Variants in PARD3B observed in about 807,000 individuals in gnomAD.
PARD3B encodes partitioning defective 3 homolog B.
Under a neutral mutation model 130.2 loss-of-function variants are expected in PARD3B, and 103 were observed. That is an observed-to-expected ratio of 0.79 (90% CI 0.67 to 0.93). PARD3B has a LOEUF of 0.93. PARD3B is among the 40% of genes least tolerant of loss of function. The pLI is 0.00. For missense variants in PARD3B, 1,609 were observed against 1,499.2 expected (o/e 1.07, Z -1.21); for synonymous variants, 583 against 553.2 (o/e 1.05, Z -0.76).
intron 2 of PARD3B, among the ~76,000 whole-genome samples, chr2:204,844,485 C>T (rs2194510): frequency 0.011 from 1,617 of 152,056 alleles, 31 homozygotes; most frequent in African/African-American, 0.036. Flanking sequence ...TTTATGGAAA[C>T]TCTATGAAAT....
rs145209205 is a variant in PARD3B, at chr2:204,975,764, T to C, written c.394+10441T>C. On this transcript the variant is annotated intron_variant, in intron 3 of 22. Transcript: ENST00000406610. ...TCTGACACAAAATACCATTTTCCAGTTGAATGTCAAAATAGTGTAAACATA... is the reference window on the plus strand; with the variant it reads ...TCTGACACAAAATACCATTTTCCAGCTGAATGTCAAAATAGTGTAAACATA... 4.9e-3 allele frequency among the ~76,000 whole-genome samples: 753 copies of C among 152,350 alleles called. 6 individuals are homozygous for C. Among genetic ancestry groups the C allele is most frequent in the African/African-American group, 0.017 (709 of 41,576 alleles).
intron 15 of PARD3B, among the ~76,000 whole-genome samples, chr2:205,226,233 A>G (rs572399545): frequency 9.2e-5 from 14 of 151,944 alleles, no homozygotes; most frequent in South Asian, 2.1e-4. Flanking sequence ...AGTAGAGACG[A>G]GGTTTCATCG....
intron 2 of PARD3B, among the ~76,000 whole-genome samples, chr2:204,701,001 AG>A (rs2037864751): frequency 6.6e-6 from 1 of 152,090 alleles, no homozygotes; most frequent in African/African-American, 2.4e-5. Flanking sequence ...CATTATTAAA[AG>A]TTGGGCATAT....
chr2:205,379,918 A>C (rs1414326314), intron 18 of PARD3B, among the ~76,000 whole-genome samples: 2 of 150,922 alleles, frequency 1.3e-5, no homozygotes, highest in Non-Finnish European at 2.9e-5. Flanking sequence ...AAATATAAAA[A>C]TTATCCAGGC....
intron 2 of PARD3B, among the ~76,000 whole-genome samples, chr2:204,950,023 A>G (rs1205968909): frequency 6.6e-6 from 1 of 152,196 alleles, no homozygotes; most frequent in Non-Finnish European, 1.5e-5. Flanking sequence ...GATGATTACA[A>G]TAATAGCTAG....
chr2:204,614,048 AT>A (rs895400763), intron 1 of PARD3B, among the ~76,000 whole-genome samples: 10 of 148,460 alleles, frequency 6.7e-5, no homozygotes, highest in South Asian at 4.2e-4. Flanking sequence ...ATAGGTTTGG[AT>A]TTTTTTTTTA....
At chr2:204,886,988 AC>A (rs2046290740) in intron 2 of PARD3B, among the ~76,000 whole-genome samples, 1 of 152,346 alleles carries the variant, frequency 6.6e-6, no homozygotes, top group East Asian at 1.9e-4. Flanking sequence ...TCAAAGGCCC[AC>A]AGGGTATGTA....
intron 10 of PARD3B, among the ~76,000 whole-genome samples, chr2:205,149,546 C>T (rs2033602670): frequency 6.6e-6 from 1 of 152,212 alleles, no homozygotes; most frequent in Non-Finnish European, 1.5e-5. Flanking sequence ...TCCAGCAGTT[C>T]ATTCTGACCA....
At chr2:204,586,037 G>C (rs1321077212) in intron 1 of PARD3B, among the ~76,000 whole-genome samples, 1 of 152,218 alleles carries the variant, frequency 6.6e-6, no homozygotes, top group African/African-American at 2.4e-5. Context: ...TGGGCCAAGT[G>C]CTTTGCACCC....
intron 15 of PARD3B, among the ~76,000 whole-genome samples, chr2:205,223,348 T>G (rs2038346932): frequency 1.3e-5 from 2 of 152,152 alleles, no homozygotes; most frequent in Admixed American, 6.5e-5. Context: ...TGAATGTTGA[T>G]GTGGTAAATA....
intron 15 of PARD3B, among the ~76,000 whole-genome samples, chr2:205,236,920 C>T (rs7593200): frequency 2.0e-5 from 3 of 151,846 alleles, no homozygotes; most frequent in South Asian, 2.1e-4. Flanking sequence ...ACAAATTTGT[C>T]GTATAAAGAA....
intron 4 of PARD3B, among the ~76,000 whole-genome samples, chr2:205,092,544 A>C (rs994204164): frequency 2.6e-5 from 4 of 152,204 alleles, no homozygotes; most frequent in African/African-American, 7.2e-5. Flanking sequence ...ATGAAGGCTA[A>C]GGAAATGCCG....
chr2:204,555,965 C>G (rs2030895665), intron 1 of PARD3B, among the ~76,000 whole-genome samples: 1 of 152,100 alleles, frequency 6.6e-6, no homozygotes, highest in Admixed American at 6.6e-5. Flanking sequence ...TTCTTCCTAC[C>G]ATACCACTTA....
chr2:205,612,716 A>T (rs2055279019), intron 22 of PARD3B, among the ~76,000 whole-genome samples: 1 of 152,204 alleles, frequency 6.6e-6, no homozygotes, highest in Non-Finnish European at 1.5e-5. Context: ...GACAATTTCC[A>T]TGACTTCATT....
intron 16 of PARD3B, among the ~76,000 whole-genome samples, chr2:205,250,005 T>C (rs1177193396): frequency 6.6e-6 from 1 of 151,690 alleles, no homozygotes; most frequent in East Asian, 1.9e-4. Flanking sequence ...TTAAATATTC[T>C]GAGGGAACAT....
In PARD3B at chr2:205,139,205, C is replaced by G. The variant is rs554824784; in HGVS notation, c.1434+13468C>G. On this transcript the variant is annotated intron_variant, in intron 10 of 22. Transcript: ENST00000406610. ...TTTTTTTTTAAGAAAAACAAAGGCT[C>G]AACGTGCAGGCACCAAGTTTACAGA... Among the ~76,000 whole-genome samples, 20 of 151,880 alleles carry G rather than the reference C, an allele frequency of 1.3e-4. No individual in the cohort carries two copies. In the South Asian group the frequency reaches 4.2e-3, roughly 32 times the overall value.
In PARD3B at chr2:205,274,561, G is replaced by A. The variant is rs1043313001; in HGVS notation, c.2186-25969G>A. On this transcript the variant is annotated intron_variant, in intron 16 of 22. Coordinates refer to ENST00000406610, the MANE Select transcript of PARD3B (RefSeq NM_001302769.2). The surrounding 1 kb of genome is among the most constrained non-coding windows in gnomAD (Gnocchi z 4.2). ...TGCTTTTTTTAATAACCCCTTTCCT[G>A]ATATCCCTTAATTTACATGGTATAC... 8.6e-5 allele frequency among the ~76,000 whole-genome samples: 13 copies of A among 150,932 alleles called. No individual in the cohort carries two copies. Among genetic ancestry groups the A allele is most frequent in the African/African-American group, 3.2e-4 (13 of 41,092 alleles).
chr2:205,255,610 T>G (rs544104114), intron 16 of PARD3B, among the ~76,000 whole-genome samples: 1 of 152,112 alleles, frequency 6.6e-6, no homozygotes, highest in Non-Finnish European at 1.5e-5. Context: ...AATTCACAGT[T>G]CCCATGACTC....
chr2:204,997,160 A>T (rs867319626), intron 3 of PARD3B, among the ~76,000 whole-genome samples: 1 of 151,654 alleles, frequency 6.6e-6, no homozygotes, highest in Admixed American at 6.6e-5. Flanking sequence ...ACTTTATAAT[A>T]CTCCGTGATA....
Sources: gnomAD v4.1 joint callset for allele counts (sites outside exome capture counted in the v4.1 genomes callset) on GRCh38, gnomAD v4.1.1 for gene constraint, Gnocchi (gnomAD v3.1) non-coding constraint, MANE v1.5 for transcripts, NCBI Gene and HGNC (gene_info 2026-07-23, HGNC 2026-07-21) for gene names.